Variants in STIMATE observed in about 807,000 individuals in gnomAD.
STIMATE encodes the protein STIM activating enhancer, also known as store-operated calcium entry regulator STIMATE.
In STIMATE, 15 loss-of-function variants were observed where a neutral mutation model predicts 36.7. The ratio of observed to expected loss-of-function variants is 0.41; its 90% confidence interval spans 0.27 to 0.63. The LOEUF is 0.63. Ranked by LOEUF, STIMATE falls within the 20% of genes least tolerant of loss-of-function variation. The pLI is 0.32. For missense variants in STIMATE, 305 were observed against 397.3 expected (o/e 0.77, Z 1.98); for synonymous variants, 163 against 162.3 (o/e 1.00, Z -0.03).
At chr3:52,870,900 C>G (rs956323164) in intron 1 of STIMATE, among the ~76,000 whole-genome samples, 3 of 152,068 alleles carry the variant, frequency 2.0e-5, no homozygotes, top group Non-Finnish European at 4.4e-5. Flanking sequence ...ACTGGAAGGT[C>G]TGGGGGAAGG....
At chr3:52,897,229 A>G (rs1575355964) in intron 1 of STIMATE, 62 bp downstream of exon 1, 2 of 1,511,926 alleles carry the variant, frequency 1.3e-6, no homozygotes, top group Non-Finnish European at 1.8e-6. Context: ...AGGGGCCCCC[A>G]GGGGGGCCGG....
chr3:52,895,434 C>T (rs1287724932), intron 1 of STIMATE, among the ~76,000 whole-genome samples: 1 of 152,190 alleles, frequency 6.6e-6, no homozygotes, highest in Non-Finnish European at 1.5e-5. Flanking sequence ...CTACCCACAT[C>T]ACCCCAGGAC....
chr3:52,874,333 TG>T (rs1425323351), intron 1 of STIMATE, among the ~76,000 whole-genome samples: 1 of 152,058 alleles, frequency 6.6e-6, no homozygotes, highest in Non-Finnish European at 1.5e-5. Context: ...TCATGCTAAA[TG>T]GGGGGAAAAA....
chr3:52,877,800 G>A (rs1701525856), intron 1 of STIMATE, among the ~76,000 whole-genome samples: 1 of 152,160 alleles, frequency 6.6e-6, no homozygotes, highest in Non-Finnish European at 1.5e-5. Flanking sequence ...AACCCATTAA[G>A]ATAGGTAATC....
chr3:52,865,502 G>A (rs1701290405), intron 1 of STIMATE, among the ~76,000 whole-genome samples: 1 of 152,186 alleles, frequency 6.6e-6, no homozygotes, highest in African/African-American at 2.4e-5. Flanking sequence ...ATGGTGGGAG[G>A]CAAAAGGCAC....
chr3:52,842,738 G>A (rs2106648545), intron 7 of STIMATE, 73 bp downstream of exon 7: 4 of 1,599,968 alleles, frequency 2.5e-6, no homozygotes, highest in Admixed American at 1.7e-5. Flanking sequence ...AACATACACA[G>A]ACATGAGACC....
At chr3:52,849,523 A>T (rs2106662995) in intron 4 of STIMATE, among the ~76,000 whole-genome samples, 1 of 152,262 alleles carries the variant, frequency 6.6e-6, no homozygotes, top group East Asian at 1.9e-4. Flanking sequence ...CATTAGAAGG[A>T]GCAGACATTC....
rs746624260 is a variant in STIMATE, at chr3:52,844,901, A to G, written c.468T>C (p.Ala156=). Residue 156 remains alanine, a synonymous_variant, in exon 5 of 8, where the codon GCT becomes GCC. Transcript: ENST00000355083. ...LQCGAWVGQC[A]LYIVIMIFEK... ...CAAAAATCATGATCACGATGTAAAG[A>G]GCGCACTGCCCGACCCAGGCTCCAC... 4.3e-6 allele frequency: 7 copies of G among 1,614,068 alleles called. No individual in the cohort carries two copies. Among genetic ancestry groups the G allele is most frequent in the Non-Finnish European group, 5.1e-6 (6 of 1,180,000 alleles).
chr3:52,895,994 G>T, intron 1 of STIMATE: 1 of 1,273,522 alleles, frequency 7.9e-7, no homozygotes, highest in Non-Finnish European at 1.0e-6. Flanking sequence ...CAGAGAAAAA[G>T]CAAGGCAAGT....
chr3:52,848,476 C>G (rs543513366), intron 4 of STIMATE: 2 of 152,364 alleles, frequency 1.3e-5, no homozygotes, highest in Non-Finnish European at 2.9e-5. Context: ...CTGAGTGGCA[C>G]CTGACAGACT....
At chr3:52,853,165 A>G (rs1234714063) in intron 2 of STIMATE, among the ~76,000 whole-genome samples, 1 of 152,122 alleles carries the variant, frequency 6.6e-6, no homozygotes, top group East Asian at 1.9e-4. Flanking sequence ...TTTTTTCTGT[A>G]AAGGACCAAA....
At chr3:52,856,996 A>G (rs1432668970) in intron 1 of STIMATE, among the ~76,000 whole-genome samples, 1 of 152,244 alleles carries the variant, frequency 6.6e-6, no homozygotes, top group Non-Finnish European at 1.5e-5. Context: ...ATGCTGTTGC[A>G]AGCCCACAGA....
At chr3:52,883,896 A>G (rs1009319756) in intron 1 of STIMATE, among the ~76,000 whole-genome samples, 9 of 152,088 alleles carry the variant, frequency 5.9e-5, no homozygotes, top group African/African-American at 2.2e-4. Flanking sequence ...TGGTCTATTA[A>G]TATTAGCTGA....
chr3:52,896,293 G>A (rs1304740218), intron 1 of STIMATE, among the ~76,000 whole-genome samples: 1 of 152,200 alleles, frequency 6.6e-6, no homozygotes, highest in Non-Finnish European at 1.5e-5. Flanking sequence ...CAAGCACAGT[G>A]GGGAAGTTTT....
At chr3:52,842,244 G>C (rs757065819) in intron 7 of STIMATE, among the ~76,000 whole-genome samples, 1 of 152,172 alleles carries the variant, frequency 6.6e-6, no homozygotes, top group African/African-American at 2.4e-5. Flanking sequence ...GAGTGCTGCG[G>C]GGCCGCCAGA....
At chr3:52,868,769 C>T (rs1448374356) in intron 1 of STIMATE, among the ~76,000 whole-genome samples, 7 of 152,256 alleles carry the variant, frequency 4.6e-5, no homozygotes, top group East Asian at 1.9e-4. Context: ...ATTACAGGCA[C>T]GCGCCACCAT....
intron 1 of STIMATE, among the ~76,000 whole-genome samples, chr3:52,895,000 G>A (rs1701842607): frequency 6.6e-6 from 1 of 152,260 alleles, no homozygotes; most frequent in South Asian, 2.1e-4. Flanking sequence ...AGGGCTGCGA[G>A]GGGGACCCTC....
intron 5 of STIMATE, among the ~76,000 whole-genome samples, chr3:52,844,089 G>A (rs1205226453): frequency 6.6e-6 from 1 of 152,170 alleles, no homozygotes; most frequent in Non-Finnish European, 1.5e-5. Flanking sequence ...GTGCCCACCG[G>A]GAGAGTGGAG....
chr3:52,869,837 C>T (rs879889280), intron 1 of STIMATE, among the ~76,000 whole-genome samples: 15 of 152,176 alleles, frequency 9.9e-5, no homozygotes, highest in Admixed American at 2.6e-4. Flanking sequence ...GCTTTAGAGC[C>T]GACTGTGGGA....
Sources: gnomAD v4.1 joint callset for allele counts (sites outside exome capture counted in the v4.1 genomes callset) on GRCh38, gnomAD v4.1.1 for gene constraint, MANE v1.5 for transcripts, NCBI Gene and HGNC (gene_info 2026-07-23, HGNC 2026-07-21) for gene names.